The following PCDH9 variants were observed in gnomAD, a reference collection of about 807,000 sequenced individuals.
The protein encoded by PCDH9 is protocadherin-9.
In PCDH9, 24 loss-of-function variants were observed where a neutral mutation model predicts 70.6. That is an observed-to-expected ratio of 0.34 (90% CI 0.25 to 0.48). PCDH9 has a LOEUF of 0.48. Ranked by LOEUF, PCDH9 falls within the 20% of genes least tolerant of loss-of-function variation. The probability of loss-of-function intolerance (pLI) is 0.99; values close to 1 mark genes in which losing one functional copy is unlikely to be tolerated. For synonymous variants in PCDH9, 562 were observed against 558.5 expected, an observed-to-expected ratio of 1.01 and a Z score of -0.09; for missense variants, 1,281 against 1,503.6, an observed-to-expected ratio of 0.85 and a Z score of 2.45.
chr13:66,682,983 C>A (rs1346957424), intron 3 of PCDH9, among the ~76,000 whole-genome samples: 1 of 152,114 alleles, frequency 6.6e-6, no homozygotes, highest in Non-Finnish European at 1.5e-5. Flanking sequence ...TTTTATTAGT[C>A]CACAGAATGC....
At chr13:67,142,772 G>A (rs368162549) in intron 2 of PCDH9, among the ~76,000 whole-genome samples, 5 of 151,922 alleles carry the variant, frequency 3.3e-5, no homozygotes, top group East Asian at 1.9e-4. Context: ...AGGCCGAGGC[G>A]GGCGGACCAT....
chr13:66,726,172 A>G (rs1452269090), intron 3 of PCDH9, among the ~76,000 whole-genome samples: 1 of 152,136 alleles, frequency 6.6e-6, no homozygotes, highest in Non-Finnish European at 1.5e-5. Context: ...ACATTCCTAC[A>G]TTGGAAGGAA....
chr13:67,018,820 A>G (rs1372217022), intron 2 of PCDH9, among the ~76,000 whole-genome samples: 7 of 152,056 alleles, frequency 4.6e-5, no homozygotes, highest in Admixed American at 4.6e-4. Context: ...TGACGATTAC[A>G]TTTTCTTTCT....
At chr13:66,850,382 G>C (rs2081295951) in intron 3 of PCDH9, among the ~76,000 whole-genome samples, 2 of 152,102 alleles carry the variant, frequency 1.3e-5, no homozygotes, top group African/African-American at 4.8e-5. Context: ...AGCTGGGCAT[G>C]GTGGCAGGCA....
chr13:66,958,132 A>G (rs2083291634), intron 2 of PCDH9, among the ~76,000 whole-genome samples: 1 of 152,204 alleles, frequency 6.6e-6, no homozygotes, highest in Non-Finnish European at 1.5e-5. Flanking sequence ...GGGCAGAAGA[A>G]ATGAAATCAG....
chr13:66,430,623 G>A (rs868495274), intron 4 of PCDH9, among the ~76,000 whole-genome samples: 3 of 152,128 alleles, frequency 2.0e-5, no homozygotes, highest in Middle Eastern at 6.8e-3. Flanking sequence ...CTGCCATCAA[G>A]GGTGCTTCCT....
rs939180992 is a variant in PCDH9, at chr13:66,309,671, G to T, written c.3341-4643C>A. On this transcript the variant is annotated intron_variant, in intron 4 of 4. Transcript: ENST00000377865. ...TGATATATTTTTATTATTACTATAG[G>T]TAATTATATTAATTGATGAATAATA... is the stretch of plus-strand genomic sequence containing the variant. Among the ~76,000 whole-genome samples, 4 of 151,612 alleles carry T rather than the reference G, an allele frequency of 2.6e-5. No homozygotes were observed. In the East Asian group the frequency reaches 7.7e-4, roughly 29 times the overall value.
chr13:66,511,339 G>T (rs1959459883), intron 4 of PCDH9, among the ~76,000 whole-genome samples: 1 of 152,036 alleles, frequency 6.6e-6, no homozygotes, highest in Admixed American at 6.6e-5. Context: ...TTGTTAGTCT[G>T]CACATTCTGG....
chr13:66,575,537 C>T (rs74093363), intron 4 of PCDH9, among the ~76,000 whole-genome samples: 3,479 of 152,224 alleles, frequency 0.023, 153 homozygotes, highest in African/African-American at 0.08. Flanking sequence ...TGCCTACCAC[C>T]TTCCTCTTCA....
chr13:66,584,753 T>C (rs1335509376), intron 4 of PCDH9, among the ~76,000 whole-genome samples: 1 of 152,056 alleles, frequency 6.6e-6, no homozygotes. Context: ...TGGTAGTTGA[T>C]AGAGGAAGGA....
At chr13:66,702,631 G>T (rs1487418334) in intron 3 of PCDH9, among the ~76,000 whole-genome samples, 3 of 152,144 alleles carry the variant, frequency 2.0e-5, no homozygotes, top group African/African-American at 7.2e-5. Flanking sequence ...AGGTCACGGA[G>T]AAGTTAATTA....
At chr13:66,466,143 TA>T (rs1460828493) in intron 4 of PCDH9, among the ~76,000 whole-genome samples, 2 of 151,978 alleles carry the variant, frequency 1.3e-5, no homozygotes, top group Non-Finnish European at 2.9e-5. Context: ...TTCAATTCCA[TA>T]AAATTGACTT....
intron 2 of PCDH9, chr13:67,224,508 C>G (rs1181166319): frequency 6.6e-6 from 1 of 152,186 alleles, no homozygotes; most frequent in African/African-American, 2.4e-5. Context: ...GACAGCGCTG[C>G]ATTTAAATCT....
chr13:66,500,429 C>T (rs906019294), intron 4 of PCDH9, among the ~76,000 whole-genome samples: 2 of 151,938 alleles, frequency 1.3e-5, no homozygotes, highest in Admixed American at 6.6e-5. Context: ...CAAGGAATTG[C>T]TTTTTCTTTC....
At position 66,927,721 on chromosome 13, in the gene PCDH9, G is replaced by A. The variant is rs375716563; in HGVS notation, c.3037-24116C>T. The stretch of plus-strand genomic sequence containing the variant: ...TGTTCTTCCCTCCATGAGTGTCTGT[G>A]TACTAATCTCTTCTTATAAGGACAC... On this transcript the variant is annotated intron_variant, in intron 2 of 4. Coordinates refer to ENST00000377865, the MANE Select transcript of PCDH9 (RefSeq NM_203487.3). Among the ~76,000 whole-genome samples the A allele has an allele frequency of 3.3e-5, 5 of 151,952 alleles. No homozygotes were observed. The East Asian group carries it at 9.7e-4, about 30-fold the overall frequency.
chr13:67,085,005 TATATATA>T lies in PCDH9; in HGVS notation c.3036+140393_3036+140399del, dbSNP rs1262481646. Among the ~76,000 whole-genome samples, 124 of 110,404 alleles carry T rather than the reference TATATATA, an allele frequency of 1.1e-3. 1 individual carries two copies. Among genetic ancestry groups the T allele is most frequent in the African/African-American group, 3.8e-3 (119 of 30,930 alleles). 72.4% of individuals were successfully genotyped at this position (110,404 alleles called of 152,430 possible). ...AAAAAAAAAAAAAAAAAAATATATA[TATATATA>T]TATATATATATGTATATGTTGCCAT... On this transcript the variant is annotated intron_variant, in intron 2 of 4. Transcript: ENST00000377865.
intron 3 of PCDH9, among the ~76,000 whole-genome samples, chr13:66,857,333 T>G (rs1401864729): frequency 6.6e-6 from 1 of 152,164 alleles, no homozygotes; most frequent in East Asian, 1.9e-4. Context: ...ATTATTCCAT[T>G]GGTACATTTG....
intron 3 of PCDH9, among the ~76,000 whole-genome samples, chr13:66,886,969 C>A (rs1018827710): frequency 1.3e-5 from 2 of 151,210 alleles, no homozygotes; most frequent in African/African-American, 4.9e-5. Context: ...CTCATTATTT[C>A]TTTTAACCTT....
At chr13:66,573,317 G>A (rs2076762158) in intron 4 of PCDH9, among the ~76,000 whole-genome samples, 1 of 130,948 alleles carries the variant, frequency 7.6e-6, no homozygotes, top group Middle Eastern at 4.7e-3. Flanking sequence ...TACATATTCT[G>A]GTTACTAATC....
Sources: gnomAD v4.1 joint callset for allele counts (sites outside exome capture counted in the v4.1 genomes callset) on GRCh38, gnomAD v4.1.1 for gene constraint, MANE v1.5 for transcripts, NCBI Gene and HGNC (gene_info 2026-07-23, HGNC 2026-07-21) for gene names.